The following SOX5 variants were observed in gnomAD, a reference collection of about 807,000 sequenced individuals.
SOX5 encodes SRY-box transcription factor 5.
Under a neutral mutation model 92.0 loss-of-function variants are expected in SOX5, and 9 were observed. The ratio of observed to expected loss-of-function variants is 0.10; its 90% CI spans 0.06 to 0.17. The LOEUF (loss-of-function observed/expected upper bound fraction) is 0.17. Among genes scored for constraint, SOX5 ranks in the 10% least tolerant of loss-of-function variants. The probability of loss-of-function intolerance (pLI) is 1.00; values close to 1 mark genes in which losing one functional copy is unlikely to be tolerated. For missense variants in SOX5, 642 were observed against 944.5 expected (o/e 0.68, Z 4.20); for synonymous variants, 344 against 336.3 (o/e 1.02, Z -0.25).
At chr12:24,074,884 T>G (rs1230954307) in intron 4 of SOX5, among the ~76,000 whole-genome samples, 4 of 150,910 alleles carry the variant, frequency 2.7e-5, no homozygotes. Context: ...TCTTTTGTTT[T>G]TTTGTTTGTT....
At chr12:24,061,567 G>A (rs957489001) in intron 4 of SOX5, among the ~76,000 whole-genome samples, 3 of 151,894 alleles carry the variant, frequency 2.0e-5, no homozygotes, top group African/African-American at 7.3e-5. Flanking sequence ...TTTGCACAAA[G>A]TACCAATGAT....
At chr12:23,620,545 T>C (rs1047133738) in intron 8 of SOX5, among the ~76,000 whole-genome samples, 1 of 152,126 alleles carries the variant, frequency 6.6e-6, no homozygotes, top group African/African-American at 2.4e-5. Flanking sequence ...ATTAATCATA[T>C]AAAACTCTAT....
chr12:23,932,653 G>A (rs987584417), intron 1 of SOX5, among the ~76,000 whole-genome samples: 15 of 151,514 alleles, frequency 9.9e-5, no homozygotes, highest in African/African-American at 3.6e-4. Context: ...CAACTTTTCA[G>A]TACATTTGTT....
In SOX5 at chr12:23,575,798, T is replaced by C; in HGVS notation, c.1205A>G (p.Lys402Arg). 6.2e-7 allele frequency: 1 copy of C among 1,605,906 alleles called. No individual in the cohort carries two copies. Among genetic ancestry groups the C allele is most frequent in the Non-Finnish European group, 8.5e-7 (1 of 1,176,154 alleles). ...AQPLNLSAKP[K>R]TSDGKSPTSP... The stretch of plus-strand genomic sequence containing the variant: ...TGTGGGTGATTTGCCATCAGAGGTC[T>C]TGGGTTTAGCTGATAGGTTCAGTGG... Residue 402 changes from lysine (K) to arginine (R), a missense_variant, in exon 10 of 15, where the codon AAG (lysine) becomes AGG (arginine). Lys to Arg is a conservative substitution (Grantham distance 26). Around this residue, in one of 8 missense-constraint regions of SOX5, gnomAD observed 324 missense variants for 461.6 expected, o/e 0.70. Coordinates refer to ENST00000451604, the MANE Select transcript of SOX5 (RefSeq NM_006940.6).
intron 1 of SOX5, among the ~76,000 whole-genome samples, chr12:24,527,756 A>G (rs1018245625): frequency 1.3e-5 from 2 of 152,216 alleles, no homozygotes; most frequent in African/African-American, 4.8e-5. Flanking sequence ...CCTTGTAGCT[A>G]TTGGGGAAAT....
chr12:24,342,762 A>G (rs1180443543), intron 2 of SOX5, among the ~76,000 whole-genome samples: 2 of 152,222 alleles, frequency 1.3e-5, no homozygotes, highest in African/African-American at 4.8e-5. Context: ...AACCAGAGTG[A>G]TCTATCAAGT....
intron 2 of SOX5, among the ~76,000 whole-genome samples, chr12:23,872,018 G>C (rs922635708): frequency 2.0e-5 from 3 of 147,800 alleles, no homozygotes; most frequent in African/African-American, 7.5e-5. Context: ...TTTTTTTTGA[G>C]ACGGAGTCTT....
chr12:24,419,757 T>C (rs1326304066), intron 1 of SOX5, among the ~76,000 whole-genome samples: 1 of 152,200 alleles, frequency 6.6e-6, no homozygotes, highest in Non-Finnish European at 1.5e-5. Flanking sequence ...ATCTAGAATG[T>C]ATATGACAAC....
intron 3 of SOX5, among the ~76,000 whole-genome samples, chr12:23,761,482 C>T (rs1020072575): frequency 1.3e-5 from 2 of 151,964 alleles, no homozygotes; most frequent in East Asian, 1.9e-4. Flanking sequence ...GGGAGATGAC[C>T]GTGTGTATGG....
Position 23,801,050 on chromosome 12 carries a change from C to T in SOX5, c.481+44933G>A, listed in dbSNP as rs189431412. Among the ~76,000 whole-genome samples the T allele has an allele frequency of 9.9e-5, 15 of 152,260 alleles. No individual in the cohort carries two copies. In the East Asian group the frequency reaches 2.9e-3, roughly 29 times the overall value. ...CACTATACTGTTGCAGCCCATTCCT[C>T]TTCGGATGTATTTTCACAAAACGCA... On this transcript the variant is annotated intron_variant, in intron 3 of 14. Transcript: ENST00000451604.
At chr12:23,833,536 C>T (rs749687338) in intron 3 of SOX5, among the ~76,000 whole-genome samples, 1 of 151,920 alleles carries the variant, frequency 6.6e-6, no homozygotes, top group Non-Finnish European at 1.5e-5. Context: ...CCATAGGTAA[C>T]GTTACCATAT....
intron 1 of SOX5, among the ~76,000 whole-genome samples, chr12:24,402,723 A>G (rs1962035697): frequency 6.6e-6 from 1 of 152,230 alleles, no homozygotes; most frequent in Admixed American, 6.5e-5. Flanking sequence ...TGAGTTTTTA[A>G]CTGGTTGAAC....
At chr12:23,692,376 G>A (rs1208071376) in intron 6 of SOX5, among the ~76,000 whole-genome samples, 2 of 149,582 alleles carry the variant, frequency 1.3e-5, no homozygotes, top group Admixed American at 1.3e-4. Context: ...GGTGGAGGTT[G>A]CATTGAGCTG....
intron 1 of SOX5, among the ~76,000 whole-genome samples, chr12:24,542,998 A>C (rs1952284660): frequency 6.6e-6 from 1 of 152,276 alleles, no homozygotes. Context: ...ATTAATTGGC[A>C]AATTGATAAA....
At chr12:24,107,402 A>T (rs1946812229) in intron 4 of SOX5, among the ~76,000 whole-genome samples, 1 of 152,230 alleles carries the variant, frequency 6.6e-6, no homozygotes, top group Admixed American at 6.5e-5. Flanking sequence ...AATACACTAA[A>T]TGGGAAAGGG....
At chr12:24,410,423 T>G (rs1299893440) in intron 1 of SOX5, among the ~76,000 whole-genome samples, 1 of 152,240 alleles carries the variant, frequency 6.6e-6, no homozygotes. Flanking sequence ...CCCCTAGAAG[T>G]AGTATAGTTT....
chr12:24,032,210 T>C (rs1056358970), intron 4 of SOX5, among the ~76,000 whole-genome samples: 3 of 151,756 alleles, frequency 2.0e-5, no homozygotes, highest in Non-Finnish European at 2.9e-5. Flanking sequence ...TGCTTTAACA[T>C]TGTTTTGATT....
intron 9 of SOX5, among the ~76,000 whole-genome samples, chr12:23,587,277 A>G (rs1950887265): frequency 6.6e-6 from 1 of 152,122 alleles, no homozygotes; most frequent in South Asian, 2.1e-4. Context: ...TTATTCGTAC[A>G]GAAAGATTAC....
chr12:23,881,267 T>C (rs752852901), intron 2 of SOX5, among the ~76,000 whole-genome samples: 10 of 152,204 alleles, frequency 6.6e-5, no homozygotes, highest in Admixed American at 2.6e-4. Flanking sequence ...CTTTATACAA[T>C]TGCCATGACA....
Sources: allele counts gnomAD v4.1 joint callset (sites outside exome capture counted in the v4.1 genomes callset), GRCh38; gene constraint gnomAD v4.1.1; regional missense constraint gnomAD v4.1.1; transcripts MANE v1.5; gene names NCBI Gene and HGNC (gene_info 2026-07-23, HGNC 2026-07-21).